The following CCDC60 variants were observed in gnomAD, a reference collection of about 807,000 sequenced individuals.
CCDC60 encodes coiled-coil domain-containing protein 60.
Under a neutral mutation model 63.5 loss-of-function variants are expected in CCDC60, and 54 were observed. That is an observed-to-expected ratio of 0.85 (90% CI 0.68 to 1.07). The LOEUF (loss-of-function observed/expected upper bound fraction) is 1.07, where lower values mean the gene tolerates loss of function less well. Ranked by LOEUF, CCDC60 falls within the 50% of genes least tolerant of loss-of-function variation. The probability of loss-of-function intolerance (pLI) is 0.00; values close to 1 mark genes in which losing one functional copy is unlikely to be tolerated. For synonymous variants in CCDC60, 206 were observed against 238.8 expected (o/e 0.86, Z 1.27); for missense variants, 651 against 684.3 (o/e 0.95, Z 0.54).
Position 119,416,631 on chromosome 12 carries a change from T to A in CCDC60, c.91-12052T>A, listed in dbSNP as rs146029771. Among the ~76,000 whole-genome samples the A allele has an allele frequency of 4.6e-4, 70 of 152,330 alleles. No individual in the cohort carries two copies. The East Asian group carries it at 6.2e-3, about 13-fold the overall frequency. On this transcript the variant is annotated intron_variant, in intron 1 of 13. Coordinates refer to ENST00000327554, the MANE Select transcript of CCDC60 (RefSeq NM_178499.5). The stretch of plus-strand genomic sequence containing the variant: ...CTTTCCTCACACAGCTCAATAGATT[T>A]TTTTTTACTTCAAAACAACTCTATA...
At chr12:119,433,753 C>T in intron 2 of CCDC60, 1 of 609,488 alleles carries the variant, frequency 1.6e-6, no homozygotes, top group Non-Finnish European at 2.9e-6. Context: ...ATATTTTAGC[C>T]CTCTTGTAAT....
At chr12:119,537,724 C>T (rs1298124494) in intron 13 of CCDC60, among the ~76,000 whole-genome samples, 1 of 152,134 alleles carries the variant, frequency 6.6e-6, no homozygotes, top group East Asian at 1.9e-4. Context: ...ACCCTGTTTG[C>T]CTGGGTATCA....
At chr12:119,464,895 G>T (rs1230326791) in intron 2 of CCDC60, among the ~76,000 whole-genome samples, 2 of 152,212 alleles carry the variant, frequency 1.3e-5, no homozygotes, top group African/African-American at 4.8e-5. Flanking sequence ...GTGTGTTATG[G>T]ATTCAATTGT....
Position 119,355,080 on chromosome 12 carries a change from A to G in CCDC60, c.90+19814A>G, listed in dbSNP as rs1348137367. Among the ~76,000 whole-genome samples, 5 of 152,274 alleles carry G rather than the reference A, an allele frequency of 3.3e-5. No individual in the cohort carries two copies. The East Asian group carries it at 9.7e-4, about 29-fold the overall frequency. Reference sequence around the variant, plus strand: ...TTGACCCTTGAACAAATCACCTCTCATGCCAAGCCTCAGTTTCCTTATCCA... The same window carrying G: ...TTGACCCTTGAACAAATCACCTCTCGTGCCAAGCCTCAGTTTCCTTATCCA... On this transcript the variant is annotated intron_variant, in intron 1 of 13. Coordinates refer to ENST00000327554, the MANE Select transcript of CCDC60 (RefSeq NM_178499.5).
At chr12:119,534,254 C>T (rs1196228211) in intron 13 of CCDC60, among the ~76,000 whole-genome samples, 3 of 152,062 alleles carry the variant, frequency 2.0e-5, no homozygotes, top group African/African-American at 7.2e-5. Flanking sequence ...GTGATTTTTC[C>T]ACATTGATTT....
chr12:119,382,017 C>T (rs1416673599), intron 1 of CCDC60, among the ~76,000 whole-genome samples: 2 of 152,174 alleles, frequency 1.3e-5, no homozygotes, highest in South Asian at 2.1e-4. Context: ...CTATCTTTAT[C>T]GTTAGTGCTT....
intron 5 of CCDC60, among the ~76,000 whole-genome samples, chr12:119,497,255 G>A (rs531752221): frequency 2.4e-4 from 37 of 152,340 alleles, no homozygotes; most frequent in African/African-American, 8.9e-4. Flanking sequence ...AGGCCAGGGG[G>A]AAGGACCACC....
At chr12:119,348,227 C>A (rs937220577) in intron 1 of CCDC60, among the ~76,000 whole-genome samples, 1 of 152,102 alleles carries the variant, frequency 6.6e-6, no homozygotes, top group Non-Finnish European at 1.5e-5. Flanking sequence ...TTTGAGACAC[C>A]GTGAATATGG....
At chr12:119,461,082 C>T (rs1950848978) in intron 2 of CCDC60, among the ~76,000 whole-genome samples, 2 of 152,070 alleles carry the variant, frequency 1.3e-5, no homozygotes, top group South Asian at 4.1e-4. Flanking sequence ...GGCCACATTC[C>T]AGCTGTTATG....
chr12:119,523,069 C>A, intron 10 of CCDC60, 68 bp downstream of exon 10: 2 of 1,398,608 alleles, frequency 1.4e-6, no homozygotes, highest in South Asian at 1.2e-5. Context: ...TCTATCTTCC[C>A]AGGGGTGTAG....
At chr12:119,458,959 T>G (rs11064806) in intron 2 of CCDC60, among the ~76,000 whole-genome samples, 21,309 of 151,936 alleles carry the variant, frequency 0.14, 1,622 homozygotes, top group East Asian at 0.3. Context: ...TGTTGGTCAG[T>G]CTGGTCTCGA....
intron 1 of CCDC60, among the ~76,000 whole-genome samples, chr12:119,425,535 A>G (rs2136227129): frequency 6.6e-6 from 1 of 152,326 alleles, no homozygotes; most frequent in South Asian, 2.1e-4. Context: ...GTTATAAATA[A>G]TAAAGGAAAT....
chr12:119,524,547 TG>T, intron 11 of CCDC60: 1 of 649,066 alleles, frequency 1.5e-6, no homozygotes, highest in Non-Finnish European at 1.9e-6. Flanking sequence ...CCTTTCCTTC[TG>T]GGAGCTAACA....
intron 7 of CCDC60, among the ~76,000 whole-genome samples, chr12:119,516,062 G>A (rs1952344436): frequency 1.3e-5 from 2 of 152,036 alleles, no homozygotes; most frequent in South Asian, 2.1e-4. Context: ...AGGCCTCACA[G>A]GCTGTGTTGA....
intron 5 of CCDC60, among the ~76,000 whole-genome samples, chr12:119,499,622 T>C (rs921687406): frequency 1.3e-5 from 2 of 152,268 alleles, no homozygotes; most frequent in East Asian, 3.9e-4. Context: ...CATTGTGCAA[T>C]CCACCCCCAT....
intron 1 of CCDC60, among the ~76,000 whole-genome samples, chr12:119,421,364 C>T (rs879857177): frequency 2.0e-5 from 3 of 152,180 alleles, no homozygotes; most frequent in Non-Finnish European, 4.4e-5. Flanking sequence ...GCAACCGCTA[C>T]CCCTCAGGTA....
chr12:119,364,455 T>A (rs1300417767), intron 1 of CCDC60, among the ~76,000 whole-genome samples: 1 of 152,224 alleles, frequency 6.6e-6, no homozygotes, highest in Non-Finnish European at 1.5e-5. Flanking sequence ...TTCTGTTTTC[T>A]AATTTCCTAT....
intron 1 of CCDC60, among the ~76,000 whole-genome samples, chr12:119,338,894 CG>C (rs1205440833): frequency 6.6e-6 from 1 of 152,152 alleles, no homozygotes; most frequent in Non-Finnish European, 1.5e-5. Flanking sequence ...AAAAGGGTCT[CG>C]AAGCCCTCTG....
intron 6 of CCDC60, among the ~76,000 whole-genome samples, chr12:119,503,259 G>A (rs1385785205): frequency 1.3e-5 from 2 of 152,194 alleles, no homozygotes; most frequent in African/African-American, 4.8e-5. Flanking sequence ...TAGATAAAAT[G>A]GAAAGAGGCA....
Sources: gnomAD v4.1 joint callset for allele counts (sites outside exome capture counted in the v4.1 genomes callset) on GRCh38, gnomAD v4.1.1 for gene constraint, MANE v1.5 for transcripts, NCBI Gene and HGNC (gene_info 2026-07-23, HGNC 2026-07-21) for gene names.